JMJD1C: variants seen among roughly 807,000 people sequenced by gnomAD.
JMJD1C encodes the protein jumonji domain containing 1C.
Under a neutral mutation model 245.3 loss-of-function variants are expected in JMJD1C, and 31 were observed. That is an observed-to-expected ratio of 0.13 (90% confidence interval 0.09 to 0.17). JMJD1C has a LOEUF of 0.17. Ranked by LOEUF, JMJD1C falls within the 10% of genes least tolerant of loss-of-function variation. The pLI is 1.00. For missense variants in JMJD1C, 2,691 were observed against 3,000.2 expected, an observed-to-expected ratio of 0.90 and a Z score of 2.41; for synonymous variants, 1,057 against 1,017.4, an observed-to-expected ratio of 1.04 and a Z score of -0.74.
intron 1 of JMJD1C, among the ~76,000 whole-genome samples, chr10:63,498,790 CTAACTA>C (rs1483476597): frequency 1.4e-4 from 22 of 152,048 alleles, no homozygotes; most frequent in Admixed American, 1.4e-3. Flanking sequence ...TTATTGTTAA[CTAACTA>C]TAACACAGTG....
At chr10:63,244,697 C>T (rs1851938755) in intron 3 of JMJD1C, among the ~76,000 whole-genome samples, 2 of 151,370 alleles carry the variant, frequency 1.3e-5, no homozygotes, top group African/African-American at 4.9e-5. Context: ...TCAAAATCAG[C>T]CGGGGTGGTG....
intron 1 of JMJD1C, among the ~76,000 whole-genome samples, chr10:63,446,639 T>TA (rs1951735955): frequency 6.6e-6 from 1 of 152,176 alleles, no homozygotes; most frequent in African/African-American, 2.4e-5. Flanking sequence ...CAAGTGAGCA[T>TA]AATGTCCTAG....
chr10:63,347,936 G>A (rs1295293134), intron 2 of JMJD1C, among the ~76,000 whole-genome samples: 1 of 151,936 alleles, frequency 6.6e-6, no homozygotes, highest in Non-Finnish European at 1.5e-5. Context: ...ATTACCGCTG[G>A]GTGCAATAGA....
At chr10:63,389,207 G>C (rs1947850282) in intron 1 of JMJD1C, among the ~76,000 whole-genome samples, 1 of 151,000 alleles carries the variant, frequency 6.6e-6, no homozygotes, top group South Asian at 2.1e-4. Flanking sequence ...AGCTACTCAG[G>C]AGGCTGAGGC....
rs1589115743 is a variant in JMJD1C, at chr10:63,194,635, C to T, written c.5645-260G>A. ...GACACAAAATGGATATAATGATAGC[C>T]TTTCTAAAAATTACCAGTCATTATT... On this transcript the variant is annotated intron_variant, in intron 13 of 25. Transcript: ENST00000399262. The T allele has an allele frequency of 1.2e-5, 4 of 336,264 alleles. No homozygotes were observed. In the South Asian group the frequency reaches 1.9e-4, roughly 16 times the overall value. The allele number at this position is 336,264 out of a possible 1,614,324, so 20.8% of individuals were successfully genotyped here.
chr10:63,227,938 C>A (rs4281380), intron 3 of JMJD1C, among the ~76,000 whole-genome samples: 130,722 of 152,190 alleles, frequency 0.86, 56,841 homozygotes, highest in African/African-American at 0.96. Context: ...TTAACTTATA[C>A]AAGAATCCAT....
In JMJD1C at chr10:63,215,807, A is replaced by C. The variant is rs372643816; in HGVS notation, c.679-111T>G. The C allele has an allele frequency of 3.4e-4, 220 of 641,144 alleles. 5 individuals carry two copies. The South Asian group carries it at 7.5e-3, about 22-fold the overall frequency. 39.7% of individuals were successfully genotyped at this position (641,144 alleles called of 1,614,324 possible). A position where few individuals can be genotyped will look rare whatever the true frequency, so the allele number is the denominator to read the frequency against. ...GTTTAGAAATCAGCTTGGGATCCCT[A>C]ATTTATAAGATGCTGTTATAATAAT... On this transcript the variant is annotated intron_variant, in intron 5 of 25. Coordinates refer to ENST00000399262, the MANE Select transcript of JMJD1C (RefSeq NM_032776.3).
intron 1 of JMJD1C, among the ~76,000 whole-genome samples, chr10:63,385,026 G>T (rs1222385259): frequency 6.6e-6 from 1 of 152,050 alleles, no homozygotes; most frequent in Non-Finnish European, 1.5e-5. Flanking sequence ...AAACATACAG[G>T]CAACTATAGG....
chr10:63,450,514 G>A (rs1193422834), intron 1 of JMJD1C, among the ~76,000 whole-genome samples: 1 of 151,978 alleles, frequency 6.6e-6, no homozygotes, highest in Non-Finnish European at 1.5e-5. Flanking sequence ...TGGAATGCGA[G>A]GATGGTTCAA....
intron 2 of JMJD1C, among the ~76,000 whole-genome samples, chr10:63,350,780 C>A (rs1944287894): frequency 6.6e-6 from 1 of 151,954 alleles, no homozygotes; most frequent in Non-Finnish European, 1.5e-5. Context: ...CCGTGCCCAG[C>A]TAATTTTTTT....
chr10:63,314,940 G>C (rs1232061379), intron 2 of JMJD1C, among the ~76,000 whole-genome samples: 2 of 145,284 alleles, frequency 1.4e-5, no homozygotes, highest in East Asian at 4.1e-4. Context: ...TGAGTTCACT[G>C]TGCCCAGCCT....
At chr10:63,394,420 T>C (rs1301977019) in intron 1 of JMJD1C, among the ~76,000 whole-genome samples, 2 of 152,186 alleles carry the variant, frequency 1.3e-5, no homozygotes, top group African/African-American at 4.8e-5. Flanking sequence ...CCATACTATA[T>C]ACAAAAATTA....
Position 63,258,876 on chromosome 10 carries a change from T to C in JMJD1C, c.447+5775A>G, listed in dbSNP as rs529234876. 9.2e-5 allele frequency among the ~76,000 whole-genome samples: 14 copies of C among 152,280 alleles called. No homozygotes were observed. In the South Asian group the frequency reaches 2.9e-3, roughly 32 times the overall value. ...AAACAACTAGCAGGGAGCCGTGAAATTGGTAAAAAGTAATGCTAGAGCAGT... is the reference window on the plus strand; with the variant it reads ...AAACAACTAGCAGGGAGCCGTGAAACTGGTAAAAAGTAATGCTAGAGCAGT... On this transcript the variant is annotated intron_variant, in intron 3 of 25. Transcript: ENST00000399262.
chr10:63,426,918 T>C (rs957826896), intron 1 of JMJD1C, among the ~76,000 whole-genome samples: 1 of 152,234 alleles, frequency 6.6e-6, no homozygotes, highest in Non-Finnish European at 1.5e-5. Flanking sequence ...AAATACACTT[T>C]ATCATCAAGT....
intron 1 of JMJD1C, among the ~76,000 whole-genome samples, chr10:63,453,279 A>G (rs1248116041): frequency 6.6e-6 from 1 of 152,230 alleles, no homozygotes; most frequent in Non-Finnish European, 1.5e-5. Flanking sequence ...TGTCTCAAAC[A>G]AACCAAAACA....
intron 1 of JMJD1C, among the ~76,000 whole-genome samples, chr10:63,383,313 A>C (rs895551156): frequency 7.2e-5 from 11 of 152,196 alleles, no homozygotes; most frequent in African/African-American, 2.7e-4. Context: ...GCACTGGTCA[A>C]GGAGTTAACA....
intron 2 of JMJD1C, among the ~76,000 whole-genome samples, chr10:63,356,317 C>A (rs758741248): frequency 9.9e-5 from 15 of 152,284 alleles, no homozygotes; most frequent in Admixed American, 2.0e-4. Context: ...GAGATACAGA[C>A]ACATGAAATA....
intron 1 of JMJD1C, 126 bp from the exon 2 acceptor site, chr10:63,380,608 T>C: frequency 1.5e-6 from 1 of 670,542 alleles, no homozygotes; most frequent in Non-Finnish European, 2.5e-6. Context: ...GCACACAATG[T>C]GTAATGATCA....
chr10:63,227,490 G>C (rs1436569500), intron 3 of JMJD1C, among the ~76,000 whole-genome samples: 1 of 152,184 alleles, frequency 6.6e-6, no homozygotes, highest in Non-Finnish European at 1.5e-5. Context: ...TAGGATAAAA[G>C]AAATATCACA....
Sources: allele counts gnomAD v4.1 joint callset (sites outside exome capture counted in the v4.1 genomes callset), GRCh38; gene constraint gnomAD v4.1.1; transcripts MANE v1.5; gene names NCBI Gene and HGNC (gene_info 2026-07-23, HGNC 2026-07-21).